The following ACBD6 variants were observed in gnomAD, a reference collection of about 807,000 sequenced individuals.
The protein encoded by ACBD6 is acyl-CoA-binding domain-containing protein 6.
ACBD6 carries 28 observed loss-of-function variants against 37.2 expected under a neutral mutation model. The observed-to-expected ratio is 0.75, with a 90% CI of 0.56 to 1.03. ACBD6 has a LOEUF of 1.03. Among genes scored for constraint, ACBD6 ranks in the 50% least tolerant of loss-of-function variants. The pLI, the probability that ACBD6 is intolerant of heterozygous loss-of-function variation, is 0.00. For synonymous variants in ACBD6, 113 were observed against 126.8 expected, an observed-to-expected ratio of 0.89 and a Z score of 0.73; for missense variants, 340 against 337.4, an observed-to-expected ratio of 1.01 and a Z score of -0.06.
intron 3 of ACBD6, among the ~76,000 whole-genome samples, chr1:180,434,470 CT>C (rs1296818578): frequency 6.6e-6 from 1 of 152,288 alleles, no homozygotes; most frequent in East Asian, 1.9e-4. Flanking sequence ...TCTGAAGAAT[CT>C]TTTAAAGATC....
At chr1:180,449,410 CTTT>C (rs34597184) in intron 3 of ACBD6, among the ~76,000 whole-genome samples, 6 of 137,966 alleles carry the variant, frequency 4.3e-5, no homozygotes, top group South Asian at 2.3e-4. Flanking sequence ...ACAACTCGCA[CTTT>C]TTTTTTTTTT....
intron 6 of ACBD6, among the ~76,000 whole-genome samples, chr1:180,361,344 C>T (rs998495637): frequency 1.4e-5 from 2 of 145,590 alleles, no homozygotes; most frequent in Admixed American, 7.1e-5. Flanking sequence ...GATGTCAGGG[C>T]GCTACCTTAA....
At chr1:180,271,771 G>T (rs2149266676) in exon 14 of ACBD6, 3 of 1,582,548 alleles carry the variant, frequency 1.9e-6, no homozygotes, top group East Asian at 4.5e-5. Context: ...CGCCTAGGGG[G>T]TCCTGGGGGC....
At chr1:180,432,676 A>T (rs1467956795) in intron 3 of ACBD6, among the ~76,000 whole-genome samples, 1 of 152,164 alleles carries the variant, frequency 6.6e-6, no homozygotes, top group Non-Finnish European at 1.5e-5. Flanking sequence ...ATTCTAGGTT[A>T]ACTAAGAAAA....
chr1:180,450,535 G>C (rs1472191251), intron 3 of ACBD6, among the ~76,000 whole-genome samples: 1 of 152,208 alleles, frequency 6.6e-6, no homozygotes, highest in Non-Finnish European at 1.5e-5. Context: ...CAGGCAGGTG[G>C]ATCACGAGGT....
At chr1:180,355,585 C>T (rs1362041601) in intron 6 of ACBD6, among the ~76,000 whole-genome samples, 1 of 152,098 alleles carries the variant, frequency 6.6e-6, no homozygotes, top group Non-Finnish European at 1.5e-5. Context: ...TATTATCTTT[C>T]ATCAAGTGAG....
chr1:180,302,684 TAGACAGATCAATG>T (rs1243237011), intron 7 of ACBD6, among the ~76,000 whole-genome samples: 7 of 151,378 alleles, frequency 4.6e-5, no homozygotes, highest in African/African-American at 1.7e-4. Flanking sequence ...CTGTCAACAT[TAGACAGATCAATG>T]AGACAGAAAG....
intron 6 of ACBD6, among the ~76,000 whole-genome samples, chr1:180,393,859 A>T (rs1290541222): frequency 6.6e-6 from 1 of 152,236 alleles, no homozygotes; most frequent in African/African-American, 2.4e-5. Flanking sequence ...TGGCAGGCAT[A>T]TAATTCTAAC....
At chr1:180,378,496 G>T (rs1456087908) in intron 6 of ACBD6, among the ~76,000 whole-genome samples, 1 of 152,090 alleles carries the variant, frequency 6.6e-6, no homozygotes, top group East Asian at 1.9e-4. Context: ...TTATATTATG[G>T]TTATACAAGA....
intron 6 of ACBD6, among the ~76,000 whole-genome samples, chr1:180,344,678 T>C (rs1381641551): frequency 6.6e-6 from 1 of 152,144 alleles, no homozygotes; most frequent in Non-Finnish European, 1.5e-5. Context: ...AACAACCCTA[T>C]TATGTAAACA....
At chr1:180,453,251 G>C (rs950152635) in intron 3 of ACBD6, among the ~76,000 whole-genome samples, 3 of 152,176 alleles carry the variant, frequency 2.0e-5, no homozygotes, top group Non-Finnish European at 4.4e-5. Context: ...GGGATGCAAG[G>C]CTGGTTCAAC....
At chr1:180,492,468 A>C (rs1308122030) in intron 2 of ACBD6, 103 bp from the exon 3 acceptor site, 1 of 874,108 alleles carries the variant, frequency 1.1e-6, no homozygotes, top group Non-Finnish European at 1.9e-6. Flanking sequence ...AGGGTCTCTG[A>C]ATATAGAGAT....
At chr1:180,314,520 C>T (rs999029522) in intron 7 of ACBD6, among the ~76,000 whole-genome samples, 172 bp downstream of exon 7, 10 of 152,218 alleles carry the variant, frequency 6.6e-5, no homozygotes, top group African/African-American at 2.2e-4. Flanking sequence ...GCTGGGATTA[C>T]AGGTGTGAGC....
Position 180,413,273 on chromosome 1 carries a change from G to C in ACBD6, c.573+93C>G, listed in dbSNP as rs543849239. The stretch of plus-strand genomic sequence containing the variant: ...TATACTCTTAACCATACTGTACTTT[G>C]AGTTGTAGTTCATTGGCCTACCATT... On this transcript the variant is annotated intron_variant, in intron 5 of 7. Transcript: ENST00000367595. 1.6e-5 allele frequency: 14 copies of C among 891,332 alleles called. No individual in the cohort carries two copies. The Middle Eastern group carries it at 1.3e-3, about 82-fold the overall frequency. The allele number at this position is 891,332 out of a possible 1,614,324, so 55.2% of individuals were successfully genotyped here.
At chr1:180,417,758 A>G (rs1648158255) in intron 4 of ACBD6, among the ~76,000 whole-genome samples, 1 of 152,160 alleles carries the variant, frequency 6.6e-6, no homozygotes, top group South Asian at 2.1e-4. Flanking sequence ...GTAATTCACC[A>G]AAAATGCCAC....
chr1:180,471,855 A>T (rs565654897), intron 3 of ACBD6, among the ~76,000 whole-genome samples: 25 of 152,218 alleles, frequency 1.6e-4, no homozygotes, highest in Non-Finnish European at 3.2e-4. Context: ...TAAATTCCAG[A>T]TTTTATTTAA....
chr1:180,438,286 G>A (rs1047842453), intron 3 of ACBD6: 3 of 152,760 alleles, frequency 2.0e-5, no homozygotes, highest in African/African-American at 7.2e-5. Flanking sequence ...TGCCAAAAAG[G>A]GTGGGGACTG....
At chr1:180,334,157 G>A (rs762719555) in intron 6 of ACBD6, among the ~76,000 whole-genome samples, 1 of 152,224 alleles carries the variant, frequency 6.6e-6, no homozygotes, top group Non-Finnish European at 1.5e-5. Context: ...TGACAGCTTT[G>A]AAGAGAGTAG....
In ACBD6 at chr1:180,396,250, T is replaced by G. The variant is rs1356041539; in HGVS notation, c.663+1266A>C. 5.3e-5 allele frequency among the ~76,000 whole-genome samples: 8 copies of G among 152,276 alleles called. No homozygotes were observed. In the East Asian group the frequency reaches 1.5e-3, roughly 29 times the overall value. ...GATGGGCACACACAATACAAATGTA[T>G]TTAATGCCACATAACTATACACTTA... On this transcript the variant is annotated intron_variant, in intron 6 of 7. Transcript: ENST00000367595.
Sources: gnomAD v4.1 joint callset for allele counts (sites outside exome capture counted in the v4.1 genomes callset) on GRCh38, gnomAD v4.1.1 for gene constraint, MANE v1.5 for transcripts, NCBI Gene and HGNC (gene_info 2026-07-23, HGNC 2026-07-21) for gene names.